The following ASTN1 variants were observed in gnomAD, a reference collection of about 807,000 sequenced individuals.
ASTN1 encodes astrotactin-1.
In ASTN1, 41 loss-of-function variants were observed where a neutral mutation model predicts 140.7. The ratio of observed to expected loss-of-function variants is 0.29; its 90% confidence interval spans 0.23 to 0.38. The LOEUF is 0.38. Ranked by LOEUF, ASTN1 falls within the 10% of genes least tolerant of loss-of-function variation. ASTN1 has a pLI of 1.00. For synonymous variants in ASTN1, 640 were observed against 652.2 expected (o/e 0.98, Z 0.29); for missense variants, 1,479 against 1,678.8 (o/e 0.88, Z 2.08).
chr1:176,894,717 C>T lies in ASTN1; in HGVS notation c.2785G>A (p.Val929Ile). The change falls in exon 17 of 23, where the codon GTC (valine) becomes ATC (isoleucine). Residue 929 changes from valine to isoleucine, a missense_variant. This residue lies in a region of ASTN1 where 746 missense variants were observed against 800.9 expected (regional missense o/e 0.93). Transcript: ENST00000361833. Reference protein sequence around the residue: ...DSGTKHMAAGVRMECHSKGRC... With the variant: ...DSGTKHMAAGIRMECHSKGRC... ...CCCTTGCTGTGGCACTCCATGCGGA[C>T]TCCAGCCGCCATGTGCTTGGTGCCG... 1 of 1,614,184 alleles carries T rather than the reference C, an allele frequency of 6.2e-7. No individual in the cohort carries two copies. Among genetic ancestry groups the T allele is most frequent in the Non-Finnish European group, 8.5e-7 (1 of 1,180,032 alleles).
intron 8 of ASTN1, among the ~76,000 whole-genome samples, chr1:176,983,175 A>G (rs1184940717): frequency 1.3e-5 from 2 of 152,172 alleles, no homozygotes; most frequent in African/African-American, 4.8e-5. Context: ...TAAGTGGTTC[A>G]ATGTGGCAGA....
At chr1:177,008,336 C>T (rs1324539272) in intron 8 of ASTN1, among the ~76,000 whole-genome samples, 1 of 150,532 alleles carries the variant, frequency 6.6e-6, no homozygotes, top group East Asian at 2.0e-4. Context: ...AAGGTAGTGG[C>T]ATTTTCATTG....
intron 8 of ASTN1, among the ~76,000 whole-genome samples, chr1:176,979,775 T>A (rs1673526856): frequency 6.6e-6 from 1 of 152,106 alleles, no homozygotes; most frequent in Admixed American, 6.5e-5. Flanking sequence ...TGTGTGATAT[T>A]AGTGTGATAT....
At chr1:176,880,343 T>C (rs949892607) in intron 20 of ASTN1, among the ~76,000 whole-genome samples, 1 of 152,144 alleles carries the variant, frequency 6.6e-6, no homozygotes, top group African/African-American at 2.4e-5. Flanking sequence ...CCTTCTCCAG[T>C]CATGGTGGTT....
intron 1 of ASTN1, among the ~76,000 whole-genome samples, chr1:177,071,236 C>T (rs1678620820): frequency 6.6e-6 from 1 of 152,140 alleles, no homozygotes; most frequent in Non-Finnish European, 1.5e-5. Flanking sequence ...CAGAGGGATG[C>T]CATGCTATCT....
chr1:177,106,521 T>C (rs1295014386), intron 1 of ASTN1, among the ~76,000 whole-genome samples: 1 of 152,178 alleles, frequency 6.6e-6, no homozygotes, highest in Non-Finnish European at 1.5e-5. Flanking sequence ...CTACTCTTTG[T>C]AGAGGCTTAA....
intron 8 of ASTN1, among the ~76,000 whole-genome samples, chr1:177,006,441 C>T (rs1018951236): frequency 6.6e-6 from 1 of 151,496 alleles, no homozygotes; most frequent in Admixed American, 6.6e-5. Flanking sequence ...AACTCCAAAG[C>T]CAGGAAAAAT....
chr1:177,097,478 C>A (rs115882209), intron 1 of ASTN1, among the ~76,000 whole-genome samples: 4,630 of 152,188 alleles, frequency 0.03, 115 homozygotes, highest in East Asian at 0.11. Context: ...TATCAATTTC[C>A]TCATCTGAAA....
chr1:177,164,323 A>C, intron 1 of ASTN1, 71 bp downstream of exon 1: 2 of 1,376,048 alleles, frequency 1.5e-6, no homozygotes, highest in Non-Finnish European at 1.9e-6. Context: ...GGGTGTGTAG[A>C]GCGAGCTGGA....
chr1:176,938,839 C>T (rs1302392742), intron 14 of ASTN1, among the ~76,000 whole-genome samples: 3 of 152,068 alleles, frequency 2.0e-5, no homozygotes, highest in East Asian at 1.9e-4. Context: ...GAAAGCTGGG[C>T]GTGGTGGCTC....
At chr1:176,882,460 C>T (rs893820536) in intron 20 of ASTN1, among the ~76,000 whole-genome samples, 1 of 152,246 alleles carries the variant, frequency 6.6e-6, no homozygotes, top group African/African-American at 2.4e-5. Flanking sequence ...CCTTTTCCAA[C>T]ATGACTGTTG....
chr1:176,882,560 T>C (rs1360471871), intron 20 of ASTN1, among the ~76,000 whole-genome samples: 1 of 152,172 alleles, frequency 6.6e-6, no homozygotes, highest in African/African-American at 2.4e-5. Context: ...TTTTTTTTCA[T>C]TTTTTGCTTT....
chr1:177,034,675 A>G (rs1031805832), intron 2 of ASTN1, among the ~76,000 whole-genome samples: 5 of 152,102 alleles, frequency 3.3e-5, no homozygotes, highest in African/African-American at 1.2e-4. Context: ...GACAGCGAGT[A>G]TTTGTGTCCA....
In ASTN1 at chr1:176,862,605, C is replaced by T. The variant is rs2103006019; in HGVS notation, c.*1679G>A. On this transcript the variant is annotated 3_prime_UTR_variant, in exon 23 of 23. Transcript: ENST00000361833. ...TAGCTAAGATCCTGTGCCCTGGAGA[C>T]CAACAGCCTGAAATCACACTGAAAC... The T allele has an allele frequency of 1.0e-6, 1 of 981,390 alleles. No homozygotes were observed. The highest frequency in any genetic ancestry group is 1.1e-4 in the East Asian group (1 of 8,760). 60.8% of individuals were successfully genotyped at this position (981,390 alleles called of 1,614,324 possible). A position where few individuals can be genotyped will look rare whatever the true frequency, so the allele number is the denominator to read the frequency against.
At chr1:177,161,733 C>T (rs77835589) in intron 1 of ASTN1, among the ~76,000 whole-genome samples, 269 of 152,174 alleles carry the variant, frequency 1.8e-3, no homozygotes, top group Non-Finnish European at 3.4e-3. Context: ...GAAGCCAAAG[C>T]TTGTTTTTCT....
At chr1:177,110,871 A>G (rs1191072687) in intron 1 of ASTN1, among the ~76,000 whole-genome samples, 1 of 152,226 alleles carries the variant, frequency 6.6e-6, no homozygotes, top group Admixed American at 6.5e-5. Flanking sequence ...CCTCTAATAT[A>G]GGATCAATGG....
intron 15 of ASTN1, chr1:176,936,032 C>A: frequency 3.4e-6 from 2 of 587,962 alleles, no homozygotes; most frequent in Admixed American, 4.8e-5. Context: ...CAGTCTTGCC[C>A]TTTCCCTCTC....
At position 176,958,404 on chromosome 1, in the gene ASTN1, G is replaced by C. The variant is rs1026273824; in HGVS notation, c.1677C>G (p.Ile559Met). The change falls in exon 10 of 23, where the codon ATC becomes ATG. Residue 559 changes from isoleucine (I) to methionine (M), a missense_variant. Transcript: ENST00000361833. The part of the protein sequence containing the change: ...SFVIPPAELA[I>M]NPSAKCKTDM... ...CCGTCTTGCACTTTGCTGATGGATT[G>C]ATGGCCAGTTCGGCTGGTGGAATCA... The C allele has an allele frequency of 5.0e-6, 8 of 1,613,984 alleles. No individual in the cohort carries two copies. Among genetic ancestry groups the C allele is most frequent in the East Asian group, 2.2e-5 (1 of 44,882 alleles).
At position 176,884,476 on chromosome 1, in the gene ASTN1, G is replaced by A. The variant is rs143440206; in HGVS notation, c.3089C>T (p.Thr1030Met). ...AAGAGTGCTGCTGGGCTCGTGAACCGTGGAGAGTCTCAGCCTGTGTGCAGA... is the reference window on the plus strand; with the variant it reads ...AAGAGTGCTGCTGGGCTCGTGAACCATGGAGAGTCTCAGCCTGTGTGCAGA... Reference protein sequence around the residue: ...PLPQPVLRLSTVHEPSSTLVV... With the variant: ...PLPQPVLRLSMVHEPSSTLVV... The change falls in exon 19 of 23, where the codon ACG (threonine) becomes ATG (methionine). Residue 1030 changes from threonine (T) to methionine (M), a missense_variant. Transcript: ENST00000361833. 208 of 1,612,900 alleles carry A rather than the reference G, an allele frequency of 1.3e-4. No individual in the cohort carries two copies. The highest frequency in any genetic ancestry group is 1.2e-3 in the African/African-American group (90 of 75,040).
Sources: gnomAD v4.1 joint callset for allele counts (sites outside exome capture counted in the v4.1 genomes callset) on GRCh38, gnomAD v4.1.1 for gene constraint, gnomAD v4.1.1 regional missense constraint, MANE v1.5 for transcripts, NCBI Gene and HGNC (gene_info 2026-07-23, HGNC 2026-07-21) for gene names.